The following SPAG16 variants were observed in gnomAD, a reference collection of about 807,000 sequenced individuals.
SPAG16 encodes the protein sperm-associated antigen 16 protein.
SPAG16 carries 86 observed loss-of-function variants against 80.4 expected under a neutral mutation model. The observed-to-expected ratio is 1.07, with a 90% confidence interval of 0.90 to 1.28. The LOEUF (loss-of-function observed/expected upper bound fraction) is 1.28, where lower values mean the gene tolerates loss of function less well. Among genes scored for constraint, SPAG16 ranks in the 50% most tolerant of loss-of-function variants. SPAG16 has a pLI of 0.00. For missense variants in SPAG16, 870 were observed against 765.3 expected (o/e 1.14, Z -1.61); for synonymous variants, 294 against 265.9 (o/e 1.11, Z -1.03).
At chr2:213,509,541 C>T (rs1440978053) in intron 10 of SPAG16, among the ~76,000 whole-genome samples, 2 of 152,104 alleles carry the variant, frequency 1.3e-5, no homozygotes, top group South Asian at 2.1e-4. Flanking sequence ...TATTGATAGA[C>T]TAGAAAGATA....
chr2:213,458,221 A>G (rs1171391244), intron 9 of SPAG16, among the ~76,000 whole-genome samples: 1 of 152,034 alleles, frequency 6.6e-6, no homozygotes, highest in Non-Finnish European at 1.5e-5. Context: ...ATTACTTCAT[A>G]TATCCCTGAG....
intron 10 of SPAG16, among the ~76,000 whole-genome samples, chr2:213,642,109 A>G (rs2062614517): frequency 1.3e-5 from 2 of 152,180 alleles, no homozygotes; most frequent in African/African-American, 2.4e-5. Context: ...GCCAAACCAT[A>G]TTACTCAGTG....
intron 15 of SPAG16, among the ~76,000 whole-genome samples, chr2:214,253,263 C>G (rs1000384785): frequency 6.6e-6 from 1 of 152,006 alleles, no homozygotes; most frequent in South Asian, 2.1e-4. Context: ...TGCCTGTTCA[C>G]TCCTATGATA....
chr2:213,802,581 T>A (rs1182460540), intron 10 of SPAG16, among the ~76,000 whole-genome samples: 1 of 152,134 alleles, frequency 6.6e-6, no homozygotes, highest in East Asian at 1.9e-4. Context: ...AAAAAGCACC[T>A]ACCCTAATTC....
chr2:214,110,929 T>C lies in SPAG16; in HGVS notation c.1593+2668T>C, dbSNP rs1213283473. The stretch of plus-strand genomic sequence containing the variant: ...TGTGTCTGTTGGCTGCATAAGTATC[T>C]TCTTTTGAGAAGTGTCTGTTCATGT... On this transcript the variant is annotated intron_variant, in intron 14 of 15. Coordinates refer to ENST00000331683, the MANE Select transcript of SPAG16 (RefSeq NM_024532.5). Among the ~76,000 whole-genome samples the C allele has an allele frequency of 2.0e-5, 3 of 152,208 alleles. No individual in the cohort carries two copies. The East Asian group carries it at 5.8e-4, about 29-fold the overall frequency.
At chr2:214,105,118 A>G (rs574776892) in intron 13 of SPAG16, among the ~76,000 whole-genome samples, 2 of 152,264 alleles carry the variant, frequency 1.3e-5, no homozygotes, top group East Asian at 3.9e-4. Context: ...AGAAGTCCTA[A>G]GAACATAGGC....
At chr2:213,768,357 G>C (rs1390180933) in intron 10 of SPAG16, among the ~76,000 whole-genome samples, 1 of 152,162 alleles carries the variant, frequency 6.6e-6, no homozygotes, top group African/African-American at 2.4e-5. Flanking sequence ...TCTAACACCA[G>C]TGCCAAGAGT....
At chr2:213,738,115 T>C (rs2067377661) in intron 10 of SPAG16, among the ~76,000 whole-genome samples, 1 of 152,234 alleles carries the variant, frequency 6.6e-6, no homozygotes. Flanking sequence ...ATAATTCATA[T>C]TGAACAGCTT....
chr2:214,098,913 C>CTTT (rs35821000), intron 13 of SPAG16, among the ~76,000 whole-genome samples: 12,609 of 151,138 alleles, frequency 0.083, 707 homozygotes, highest in East Asian at 0.28. Context: ...GTCAATGAGA[C>CTTT]TTTTTTTTTG....
At chr2:213,854,490 C>T (rs1182657133) in intron 10 of SPAG16, among the ~76,000 whole-genome samples, 1 of 152,216 alleles carries the variant, frequency 6.6e-6, no homozygotes, top group Non-Finnish European at 1.5e-5. Context: ...ACAACATAAT[C>T]AGCTAGTAAT....
chr2:214,401,875 A>T (rs1701728159), intron 15 of SPAG16, among the ~76,000 whole-genome samples: 1 of 152,004 alleles, frequency 6.6e-6, no homozygotes, highest in East Asian at 1.9e-4. Flanking sequence ...ACGTGTTTAG[A>T]CAGAGTAATA....
chr2:213,307,631 G>A (rs1029147857), intron 3 of SPAG16, among the ~76,000 whole-genome samples: 2 of 151,304 alleles, frequency 1.3e-5, no homozygotes, highest in African/African-American at 4.9e-5. Flanking sequence ...TTGGTTCCAA[G>A]TCTTTGCTAT....
At chr2:213,933,566 G>A (rs951376747) in intron 12 of SPAG16, among the ~76,000 whole-genome samples, 1 of 152,270 alleles carries the variant, frequency 6.6e-6, no homozygotes, top group East Asian at 1.9e-4. Flanking sequence ...AGAAGGGGTC[G>A]GAAACAGCCA....
chr2:213,566,731 A>C (rs909601450), intron 10 of SPAG16, among the ~76,000 whole-genome samples: 3 of 152,210 alleles, frequency 2.0e-5, no homozygotes, highest in Non-Finnish European at 4.4e-5. Flanking sequence ...CCTTCTGGTG[A>C]TGGTGTATAA....
intron 10 of SPAG16, among the ~76,000 whole-genome samples, chr2:213,697,533 A>C (rs2065211956): frequency 6.6e-6 from 1 of 152,224 alleles, no homozygotes; most frequent in Admixed American, 6.5e-5. Context: ...TGAGTACATG[A>C]GATTACCCTA....
chr2:213,516,981 GA>G (rs967762623), intron 10 of SPAG16, among the ~76,000 whole-genome samples: 1 of 151,582 alleles, frequency 6.6e-6, no homozygotes, highest in Non-Finnish European at 1.5e-5. Flanking sequence ...TCAAGTAAGA[GA>G]AAAAAAATGA....
intron 13 of SPAG16, among the ~76,000 whole-genome samples, chr2:214,059,220 G>GTATA (rs1275941428): frequency 1.4e-5 from 1 of 73,808 alleles, no homozygotes; most frequent in Non-Finnish European, 2.6e-5. Flanking sequence ...ATATATGTAT[G>GTATA]TGTATATATA....
chr2:213,381,383 A>T (rs531314764), intron 9 of SPAG16, among the ~76,000 whole-genome samples: 3 of 152,330 alleles, frequency 2.0e-5, no homozygotes, highest in Middle Eastern at 3.4e-3. Flanking sequence ...AAATGGTCCA[A>T]CATAATAAGT....
intron 5 of SPAG16, among the ~76,000 whole-genome samples, chr2:213,329,707 T>C (rs1037388812): frequency 1.3e-5 from 2 of 152,160 alleles, no homozygotes; most frequent in Non-Finnish European, 2.9e-5. Flanking sequence ...TTTGCATAAG[T>C]AATGAGGAGC....
Sources: allele counts gnomAD v4.1 joint callset (sites outside exome capture counted in the v4.1 genomes callset), GRCh38; gene constraint gnomAD v4.1.1; transcripts MANE v1.5; gene names NCBI Gene and HGNC (gene_info 2026-07-23, HGNC 2026-07-21).